The following IDNK variants were observed in gnomAD, a reference collection of about 807,000 sequenced individuals.
The protein encoded by IDNK is IDNK gluconokinase.
In IDNK, 9 loss-of-function variants were observed where a neutral mutation model predicts 13.0. The ratio of observed to expected loss-of-function variants is 0.69; its 90% confidence interval spans 0.42 to 1.21. The LOEUF (loss-of-function observed/expected upper bound fraction) is 1.21. Among genes scored for constraint, IDNK ranks in the 50% most tolerant of loss-of-function variants. The pLI, the probability that IDNK is intolerant of heterozygous loss-of-function variation, is 0.00. For synonymous variants in IDNK, 92 were observed against 94.9 expected (o/e 0.97, Z 0.18); for missense variants, 210 against 237.8 (o/e 0.88, Z 0.77).
intron 3 of IDNK, among the ~76,000 whole-genome samples, chr9:83,633,302 GCACT>G (rs1258948451): frequency 6.6e-5 from 10 of 152,086 alleles, no homozygotes; most frequent in Admixed American, 5.9e-4. Flanking sequence ...TCACACCACT[GCACT>G]CCAGCCTGGG....
At chr9:83,636,032 C>T (rs1344219149) in intron 3 of IDNK, among the ~76,000 whole-genome samples, 2 of 152,108 alleles carry the variant, frequency 1.3e-5, no homozygotes, top group South Asian at 2.1e-4. Context: ...AAAATATATC[C>T]AAGAGGGTTT....
intron 4 of IDNK, among the ~76,000 whole-genome samples, chr9:83,642,119 T>C (rs895766383): frequency 4.4e-4 from 67 of 152,132 alleles, no homozygotes; most frequent in African/African-American, 1.3e-3. Context: ...AGAGTCCACA[T>C]TGCCCAGCTC....
intron 3 of IDNK, among the ~76,000 whole-genome samples, chr9:83,634,031 G>T (rs1276197741): frequency 1.3e-5 from 2 of 152,162 alleles, no homozygotes; most frequent in African/African-American, 4.8e-5. Context: ...GCACTGACAT[G>T]GTAGCCTGGC....
intron 3 of IDNK, among the ~76,000 whole-genome samples, chr9:83,640,701 C>T (rs1320381748): frequency 1.3e-5 from 2 of 152,132 alleles, no homozygotes; most frequent in African/African-American, 2.4e-5. Flanking sequence ...ATTAATTAGT[C>T]GGGCATGGTG....
At chr9:83,641,485 TACAA>T (rs1831306061) in intron 3 of IDNK, 59 bp from the exon 4 acceptor site, 9 of 1,568,704 alleles carry the variant, frequency 5.7e-6, no homozygotes, top group African/African-American at 4.1e-5. Context: ...ACTGTTTCTC[TACAA>T]ACAAACAATA....
intron 3 of IDNK, among the ~76,000 whole-genome samples, chr9:83,631,451 G>GAAAAAGAAA (rs1831011194): frequency 1.8e-5 from 1 of 56,946 alleles, no homozygotes. Context: ...TACAAAAACT[G>GAAAAAGAAA]AAAAAAAAAA....
intron 3 of IDNK, among the ~76,000 whole-genome samples, chr9:83,641,061 T>C (rs1374184651): frequency 6.6e-6 from 1 of 152,238 alleles, no homozygotes. Flanking sequence ...ACGTGCTACG[T>C]AAATTTCATC....
rs144705328 is a variant in IDNK at position 83,632,533 on chromosome 9, C to CT, written c.168+3575dup. 5.7e-3 allele frequency among the ~76,000 whole-genome samples: 655 copies of CT among 113,934 alleles called. 6 individuals carry two copies. The highest frequency in any genetic ancestry group is 0.021 in the African/African-American group (629 of 29,612). 74.7% of individuals were successfully genotyped at this position (113,934 alleles called of 152,430 possible). ...TGTCTTGGGCCACACATAAAATACA[C>CT]TAACATTAACGATAGCTGATGAGCA... is the stretch of plus-strand genomic sequence containing the variant. On this transcript the variant is annotated intron_variant, in intron 3 of 4. Coordinates refer to ENST00000376419, the MANE Select transcript of IDNK (RefSeq NM_001001551.4).
chr9:83,635,021 C>G (rs943775010), intron 3 of IDNK, among the ~76,000 whole-genome samples: 2 of 152,098 alleles, frequency 1.3e-5, no homozygotes, highest in Non-Finnish European at 1.5e-5. Context: ...AATGGAGATT[C>G]GCAGCCCACG....
intron 3 of IDNK, among the ~76,000 whole-genome samples, chr9:83,633,837 A>G (rs1285349458): frequency 6.6e-6 from 1 of 152,236 alleles, no homozygotes. Flanking sequence ...GGCCCTGATC[A>G]TCCAACCATT....
At chr9:83,627,915 A>G (rs1830904675) in intron 1 of IDNK, 1 of 841,666 alleles carries the variant, frequency 1.2e-6, no homozygotes, top group East Asian at 4.5e-5. Flanking sequence ...TACTGAAGAA[A>G]AAACTTGGGT....
chr9:83,630,068 G>A (rs897976011), intron 3 of IDNK, among the ~76,000 whole-genome samples: 1 of 152,214 alleles, frequency 6.6e-6, no homozygotes, highest in Non-Finnish European at 1.5e-5. Context: ...GACCAACACT[G>A]TTGTTCTCAC....
chr9:83,623,463 G>T, intron 1 of IDNK: 3 of 498,004 alleles, frequency 6.0e-6, no homozygotes, highest in Non-Finnish European at 1.1e-5. Flanking sequence ...CGGGGAGGCT[G>T]CGGCGACCGC....
At position 83,627,020 on chromosome 9, in the gene IDNK, G is replaced by A. The variant is rs530970885; in HGVS notation, c.51-1161G>A. 2.2e-4 allele frequency: 43 copies of A among 191,564 alleles called. 2 individuals carry two copies. The South Asian group carries it at 6.8e-3, about 30-fold the overall frequency. The allele number at this position is 191,564 out of a possible 1,614,324, so 11.9% of individuals were successfully genotyped here. A position where few individuals can be genotyped will look rare whatever the true frequency, so the allele number is the denominator to read the frequency against. ...CATTGTTCTGTTTTCATTATATACA[G>A]CTTTTCAGGTACCTTCTATTCAAGG... On this transcript the variant is annotated intron_variant, in intron 1 of 4. Coordinates refer to ENST00000376419, the MANE Select transcript of IDNK (RefSeq NM_001001551.4).
chr9:83,624,706 G>T (rs372432427), intron 1 of IDNK, among the ~76,000 whole-genome samples: 27 of 148,492 alleles, frequency 1.8e-4, no homozygotes, highest in African/African-American at 2.2e-4. Flanking sequence ...AGCTTCTTTT[G>T]TTTTTTTTTT....
intron 4 of IDNK, 97 bp from the exon 5 acceptor site, chr9:83,643,332 G>A: frequency 1.1e-6 from 1 of 919,562 alleles, no homozygotes. Flanking sequence ...CCACTGGCAG[G>A]AAGTAGGACT....
chr9:83,628,381 G>A (rs1344732927), intron 2 of IDNK, among the ~76,000 whole-genome samples, 170 bp downstream of exon 2: 2 of 152,202 alleles, frequency 1.3e-5, no homozygotes, highest in African/African-American at 4.8e-5. Context: ...AATAGGCAGG[G>A]TGCGGTGGCT....
chr9:83,642,002 C>G (rs1831322788), intron 4 of IDNK, among the ~76,000 whole-genome samples: 1 of 152,246 alleles, frequency 6.6e-6, no homozygotes, highest in Admixed American at 6.5e-5. Context: ...GATGCCACTT[C>G]TGTTATTGCC....
chr9:83,625,661 C>T (rs2811904), intron 1 of IDNK, among the ~76,000 whole-genome samples: 19,655 of 152,122 alleles, frequency 0.13, 1,606 homozygotes, highest in Middle Eastern at 0.25. Context: ...TATTGGAGCC[C>T]TACAGGATTT....
Sources: gnomAD v4.1 joint callset for allele counts (sites outside exome capture counted in the v4.1 genomes callset) on GRCh38, gnomAD v4.1.1 for gene constraint, MANE v1.5 for transcripts, NCBI Gene and HGNC (gene_info 2026-07-23, HGNC 2026-07-21) for gene names.